Variants in ACKR3 observed in about 807,000 individuals in gnomAD.
The protein encoded by ACKR3 is atypical chemokine receptor 3, also known as C-X-C chemokine receptor type 7.
Under a neutral mutation model 22.4 loss-of-function variants are expected in ACKR3, and 6 were observed. The ratio of observed to expected loss-of-function variants is 0.27; its 90% CI spans 0.15 to 0.53. ACKR3 has a LOEUF of 0.53. Ranked by LOEUF, ACKR3 falls within the 20% of genes least tolerant of loss-of-function variation. ACKR3 has a pLI of 0.96. For synonymous variants in ACKR3, 209 were observed against 205.2 expected (o/e 1.02, Z -0.16); for missense variants, 396 against 475.2 (o/e 0.83, Z 1.55).
At chr2:236,548,893 C>T in the ACKR3 span, among the ~76,000 whole-genome samples, 4 of 152,296 alleles carry the variant, frequency 2.6e-5, no homozygotes, top group Admixed American at 6.5e-5. This position sits in a 1 kb window ranked among gnomAD's most constrained non-coding sequence, Gnocchi z 4.3. Flanking sequence ...AGAGGTCATA[C>T]GATCATTCTG....
chr2:236,549,093 TG>T, the ACKR3 span, among the ~76,000 whole-genome samples: 3 of 152,254 alleles, frequency 2.0e-5, no homozygotes, highest in South Asian at 6.2e-4. The surrounding 1 kb of genome is among the most constrained non-coding windows in gnomAD (Gnocchi z 5.3). Flanking sequence ...TGGTAAACTT[TG>T]CTTATCCAAT....
chr2:236,550,961 T>C, the ACKR3 span, among the ~76,000 whole-genome samples: 1 of 152,206 alleles, frequency 6.6e-6, no homozygotes, highest in Non-Finnish European at 1.5e-5. This position sits in a 1 kb window ranked among gnomAD's most constrained non-coding sequence, Gnocchi z 4.6. Context: ...TCCTTTTGGT[T>C]TCGTATTACC....
chr2:236,581,386 C>T lies in ACKR3; in HGVS notation c.921C>T (p.His307=). The change falls in exon 2 of 2, where the codon CAC becomes CAT. Residue 307 remains histidine, a synonymous_variant. Coordinates refer to ENST00000272928, the MANE Select transcript of ACKR3 (RefSeq NM_020311.3). This position sits in a 1 kb window ranked among gnomAD's most constrained non-coding sequence, Gnocchi z 4.4. Reference sequence around the variant, plus strand: ...TCACACAGTGCCTGTCGCTGGTGCACTGCTGCGTCAACCCTGTCCTCTACA... The same window carrying T: ...TCACACAGTGCCTGTCGCTGGTGCATTGCTGCGTCAACCCTGTCCTCTACA... ...LHVTQCLSLV[H]CCVNPVLYSF... The T allele has an allele frequency of 6.2e-7, 1 of 1,614,124 alleles. No homozygotes were observed. Among genetic ancestry groups the T allele is most frequent in the Non-Finnish European group, 8.5e-7 (1 of 1,180,052 alleles).
At chr2:236,561,593 G>A in the ACKR3 span, among the ~76,000 whole-genome samples, 14 of 152,170 alleles carry the variant, frequency 9.2e-5, no homozygotes, top group Non-Finnish European at 2.9e-5. Flanking sequence ...CTGGGTTCAA[G>A]CGATTCTCCT....
the ACKR3 span, among the ~76,000 whole-genome samples, chr2:236,547,562 G>T: frequency 6.6e-6 from 1 of 152,150 alleles, no homozygotes; most frequent in Non-Finnish European, 1.5e-5. Context: ...CTTTTGAGAA[G>T]TTCCTTTAAG....
chr2:236,567,450 A>C (rs1056408648), upstream of ACKR3, among the ~76,000 whole-genome samples: 2 of 152,200 alleles, frequency 1.3e-5, no homozygotes, highest in African/African-American at 2.4e-5. Context: ...CTGAAAGCAC[A>C]ATCTTCCAAA....
At chr2:236,539,301 C>CT in the ACKR3 span, among the ~76,000 whole-genome samples, 1 of 129,196 alleles carries the variant, frequency 7.7e-6, no homozygotes, top group African/African-American at 3.1e-5. Flanking sequence ...TTTCATTTTT[C>CT]TTTTCTTTTT....
chr2:236,572,551 C>T (rs796767617), intron 1 of ACKR3, among the ~76,000 whole-genome samples: 5 of 152,352 alleles, frequency 3.3e-5, no homozygotes, highest in African/African-American at 1.2e-4. Flanking sequence ...GCACAGTGTC[C>T]TCCTGGGAAC....
chr2:236,576,688 G>A (rs146304555), intron 1 of ACKR3, among the ~76,000 whole-genome samples: 5 of 152,260 alleles, frequency 3.3e-5, no homozygotes, highest in Admixed American at 1.3e-4. Flanking sequence ...CGTCCTGCAC[G>A]CAGGCTGGGG....
At chr2:236,543,653 G>C in the ACKR3 span, among the ~76,000 whole-genome samples, 8 of 152,070 alleles carry the variant, frequency 5.3e-5, no homozygotes, top group African/African-American at 1.7e-4. Flanking sequence ...GACCGGCAGG[G>C]AGGGGTAACT....
At chr2:236,551,250 T>G in the ACKR3 span, among the ~76,000 whole-genome samples, 3 of 152,132 alleles carry the variant, frequency 2.0e-5, no homozygotes, top group Non-Finnish European at 4.4e-5. Context: ...GGAAGTCCAG[T>G]TCTCAGGCTT....
At chr2:236,544,459 G>A in the ACKR3 span, among the ~76,000 whole-genome samples, 3 of 152,162 alleles carry the variant, frequency 2.0e-5, no homozygotes, top group African/African-American at 4.8e-5. The surrounding 1 kb of genome is among the most constrained non-coding windows in gnomAD (Gnocchi z 5.0). Context: ...GGAGCAGGTC[G>A]GAGAAAATGA....
At chr2:236,553,205 C>G in the ACKR3 span, among the ~76,000 whole-genome samples, 23 of 150,376 alleles carry the variant, frequency 1.5e-4, no homozygotes, top group East Asian at 4.1e-3. Flanking sequence ...CTCCTCCCCC[C>G]TGCTGAGGGC....
intron 1 of ACKR3, among the ~76,000 whole-genome samples, 152 bp downstream of exon 1, chr2:236,570,076 A>G (rs913778335): frequency 7.2e-5 from 11 of 152,242 alleles, no homozygotes; most frequent in African/African-American, 2.4e-4. Flanking sequence ...CCCAGGCTGC[A>G]CGCAGCTGCA....
the ACKR3 span, among the ~76,000 whole-genome samples, chr2:236,554,095 A>G: frequency 6.6e-6 from 1 of 152,304 alleles, no homozygotes; most frequent in South Asian, 2.1e-4. Flanking sequence ...ATGGAGGAAG[A>G]TGTCACTGGA....
At chr2:236,564,880 A>G (rs1444646563), upstream of ACKR3, among the ~76,000 whole-genome samples, 1 of 152,164 alleles carries the variant, frequency 6.6e-6, no homozygotes, top group Admixed American at 6.5e-5. Flanking sequence ...AGTTTCCTCA[A>G]TTACAAAAGT....
chr2:236,546,069 C>G, the ACKR3 span, among the ~76,000 whole-genome samples: 6,217 of 152,222 alleles, frequency 0.041, 415 homozygotes, highest in African/African-American at 0.14. The surrounding 1 kb of genome is among the most constrained non-coding windows in gnomAD (Gnocchi z 4.9). Context: ...AATACAGGAC[C>G]ACGTTTTGTG....
the ACKR3 span, among the ~76,000 whole-genome samples, chr2:236,561,848 A>G: frequency 6.6e-6 from 1 of 152,202 alleles, no homozygotes; most frequent in Non-Finnish European, 1.5e-5. Flanking sequence ...AAATTGGCTT[A>G]TTAGTTTTTG....
At chr2:236,578,819 G>A (rs1415405146) in intron 1 of ACKR3, among the ~76,000 whole-genome samples, 1 of 152,212 alleles carries the variant, frequency 6.6e-6, no homozygotes, top group Non-Finnish European at 1.5e-5. Flanking sequence ...CAGCCAGTGA[G>A]AGCCAGGTTT....
Sources: allele counts gnomAD v4.1 joint callset (sites outside exome capture counted in the v4.1 genomes callset), GRCh38; gene constraint gnomAD v4.1.1; non-coding constraint Gnocchi (gnomAD v3.1); transcripts MANE v1.5; gene names NCBI Gene and HGNC (gene_info 2026-07-23, HGNC 2026-07-21).